The following PRELID2 variants were observed in gnomAD, a reference collection of about 807,000 sequenced individuals.
PRELID2 encodes PRELI domain containing 2, also known as PRELI domain-containing protein 2.
In PRELID2, 25 loss-of-function variants were observed where a neutral mutation model predicts 28.4. That is an observed-to-expected ratio of 0.88 (90% CI 0.64 to 1.23). The LOEUF is 1.23. Among genes scored for constraint, PRELID2 ranks in the 50% most tolerant of loss-of-function variants. The pLI, the probability that PRELID2 is intolerant of heterozygous loss-of-function variation, is 0.00. For synonymous variants in PRELID2, 76 were observed against 71.6 expected (o/e 1.06, Z -0.31); for missense variants, 201 against 214.4 (o/e 0.94, Z 0.39).
chr5:145,349,036 A>G, the PRELID2 span, among the ~76,000 whole-genome samples: 1 of 152,116 alleles, frequency 6.6e-6, no homozygotes, highest in Non-Finnish European at 1.5e-5. Flanking sequence ...TAATTACCAA[A>G]CATAGTGATA....
intron 1 of PRELID2, among the ~76,000 whole-genome samples, chr5:145,501,743 T>TA (rs1242945114): frequency 1.3e-5 from 2 of 152,156 alleles, no homozygotes; most frequent in African/African-American, 4.8e-5. Flanking sequence ...AACAGACTAA[T>TA]ACAGACCTAA....
At chr5:145,452,342 C>G in the PRELID2 span, among the ~76,000 whole-genome samples, 2 of 152,156 alleles carry the variant, frequency 1.3e-5, no homozygotes, top group African/African-American at 4.8e-5. Context: ...CCCCAAGACT[C>G]AACATCTTTT....
chr5:145,787,166 AAC>A (rs762354984), intron 5 of PRELID2, among the ~76,000 whole-genome samples: 2 of 152,198 alleles, frequency 1.3e-5, no homozygotes, highest in African/African-American at 2.4e-5. Flanking sequence ...CAAAACAAAA[AAC>A]ACGTCTATGC....
chr5:145,405,654 G>A, the PRELID2 span, among the ~76,000 whole-genome samples: 3 of 150,326 alleles, frequency 2.0e-5, no homozygotes, highest in African/African-American at 7.3e-5. Flanking sequence ...CATGTCACAA[G>A]GTGAAAGCAC....
At chr5:145,668,084 A>G (rs1754631063) in intron 1 of PRELID2, among the ~76,000 whole-genome samples, 1 of 152,128 alleles carries the variant, frequency 6.6e-6, no homozygotes, top group Non-Finnish European at 1.5e-5. Flanking sequence ...TTAGAATTTC[A>G]GGAAAGAAGA....
intron 1 of PRELID2, among the ~76,000 whole-genome samples, chr5:145,708,601 A>T (rs1197900955): frequency 6.6e-6 from 1 of 152,176 alleles, no homozygotes; most frequent in Non-Finnish European, 1.5e-5. Flanking sequence ...TTAAACAGAA[A>T]ATTTTTTTCA....
chr5:145,474,239 A>G (rs1437318767), intron 1 of PRELID2, among the ~76,000 whole-genome samples: 2 of 152,246 alleles, frequency 1.3e-5, no homozygotes, highest in African/African-American at 4.8e-5. Flanking sequence ...AGACGTGATC[A>G]GTTTTGTATT....
chr5:145,656,807 C>A (rs888068559), intron 1 of PRELID2, among the ~76,000 whole-genome samples: 4 of 151,790 alleles, frequency 2.6e-5, no homozygotes, highest in African/African-American at 9.7e-5. Flanking sequence ...ATGTAAATGG[C>A]AAGTTAATGG....
the PRELID2 span, among the ~76,000 whole-genome samples, chr5:145,257,623 T>A: frequency 2.6e-5 from 4 of 152,086 alleles, no homozygotes; most frequent in Non-Finnish European, 1.5e-5. Flanking sequence ...ATAGAATGTT[T>A]GAGAGTAAAA....
chr5:145,741,755 AATTT>A (rs1203541383), intron 1 of PRELID2, among the ~76,000 whole-genome samples: 1 of 108,238 alleles, frequency 9.2e-6, no homozygotes, highest in Non-Finnish European at 1.8e-5. Flanking sequence ...TTTATATATT[AATTT>A]ATTTATATAT....
chr5:145,435,724 T>C, the PRELID2 span, among the ~76,000 whole-genome samples: 1 of 152,286 alleles, frequency 6.6e-6, no homozygotes, highest in South Asian at 2.1e-4. Flanking sequence ...ATTTTTCCCA[T>C]TTGGTGGAAA....
the PRELID2 span, among the ~76,000 whole-genome samples, chr5:145,443,151 C>T: frequency 1.8e-4 from 27 of 152,050 alleles, no homozygotes; most frequent in African/African-American, 2.4e-4. Flanking sequence ...AAACACATTA[C>T]GCACTGTTGG....
the PRELID2 span, among the ~76,000 whole-genome samples, chr5:145,273,499 C>T: frequency 6.6e-6 from 1 of 151,718 alleles, no homozygotes; most frequent in Non-Finnish European, 1.5e-5. Flanking sequence ...GCCAAGGCAC[C>T]CTAGGGAGGA....
intron 5 of PRELID2, among the ~76,000 whole-genome samples, chr5:145,767,913 A>C (rs1195017445): frequency 6.6e-6 from 1 of 152,184 alleles, no homozygotes; most frequent in East Asian, 1.9e-4. Flanking sequence ...CTACACTCTT[A>C]AGAGGTACCT....
At chr5:145,545,268 T>C (rs970328131) in intron 1 of PRELID2, among the ~76,000 whole-genome samples, 6 of 152,104 alleles carry the variant, frequency 3.9e-5, no homozygotes, top group African/African-American at 1.4e-4. Context: ...AATCATAAAA[T>C]CAGAGACCTG....
At chr5:145,580,765 A>G (rs570553552) in intron 1 of PRELID2, among the ~76,000 whole-genome samples, 3 of 152,168 alleles carry the variant, frequency 2.0e-5, no homozygotes, top group African/African-American at 7.2e-5. Context: ...GCAATTGCAG[A>G]GGAAAGGTAA....
intron 1 of PRELID2, among the ~76,000 whole-genome samples, chr5:145,640,626 A>T (rs1197088028): frequency 6.6e-6 from 1 of 150,660 alleles, no homozygotes; most frequent in East Asian, 2.0e-4. Context: ...CCTGGGCTAC[A>T]GAGCGAGACT....
chr5:145,661,719 G>T (rs79481621), intron 1 of PRELID2, among the ~76,000 whole-genome samples: 1 of 149,140 alleles, frequency 6.7e-6, no homozygotes, highest in Non-Finnish European at 1.5e-5. Context: ...CCATTTAGAA[G>T]GGAAAATACA....
At chr5:145,279,547 T>A in the PRELID2 span, among the ~76,000 whole-genome samples, 1 of 152,212 alleles carries the variant, frequency 6.6e-6, no homozygotes, top group Non-Finnish European at 1.5e-5. Flanking sequence ...ACAAACCATT[T>A]AGCACAGTGC....
Sources: gnomAD v4.1 joint callset for allele counts (sites outside exome capture counted in the v4.1 genomes callset) on GRCh38, gnomAD v4.1.1 for gene constraint, MANE v1.5 for transcripts, NCBI Gene and HGNC (gene_info 2026-07-23, HGNC 2026-07-21) for gene names.